The following FAM184A variants were observed in gnomAD, a reference collection of about 807,000 sequenced individuals.
FAM184A encodes the protein family with sequence similarity 184 member A, also known as protein FAM184A.
In FAM184A, 99 loss-of-function variants were observed where a neutral mutation model predicts 143.8. The observed-to-expected ratio is 0.69, with a 90% CI of 0.58 to 0.81. The LOEUF is 0.81. Among genes scored for constraint, FAM184A ranks in the 40% least tolerant of loss-of-function variants. The pLI is 0.00. For synonymous variants in FAM184A, 427 were observed against 446.4 expected, an observed-to-expected ratio of 0.96 and a Z score of 0.55; for missense variants, 1,217 against 1,310.5, an observed-to-expected ratio of 0.93 and a Z score of 1.10.
intron 15 of FAM184A, 70 bp downstream of exon 15, chr6:118,966,761 AAGAT>A: frequency 1.5e-6 from 1 of 655,386 alleles, no homozygotes; most frequent in Non-Finnish European, 2.6e-6. Flanking sequence ...ATTACTTAAA[AAGAT>A]TGTCCCATAT....
intron 1 of FAM184A, among the ~76,000 whole-genome samples, chr6:119,141,039 A>G (rs1021194777): frequency 3.3e-5 from 5 of 152,180 alleles, no homozygotes; most frequent in African/African-American, 4.8e-5. Flanking sequence ...TATGACCCGG[A>G]GTAGGTGATA....
At chr6:119,007,109 A>G (rs1170964721) in intron 6 of FAM184A, among the ~76,000 whole-genome samples, 1 of 152,202 alleles carries the variant, frequency 6.6e-6, no homozygotes, top group Non-Finnish European at 1.5e-5. Flanking sequence ...TTTCCATACA[A>G]AATTTCTCAT....
At chr6:119,025,905 T>C (rs137961477) in intron 1 of FAM184A, among the ~76,000 whole-genome samples, 1 of 152,336 alleles carries the variant, frequency 6.6e-6, no homozygotes, top group East Asian at 1.9e-4. Context: ...TGCCATTTTT[T>C]GTAGAGAAAT....
At position 119,024,375 on chromosome 6, in the gene FAM184A, C is replaced by T. The variant is rs770912209; in HGVS notation, c.598G>A (p.Glu200Lys). Reference sequence around the variant, plus strand: ...TGATCCTGCTGTGACTTCAATAGCTCTTGTATCTCCCGTCTGTGAGCAGCT... The same window carrying T: ...TGATCCTGCTGTGACTTCAATAGCTTTTGTATCTCCCGTCTGTGAGCAGCT... ...LQAAHRREIQ[E>K]LLKSQQDHSA... is the part of the protein sequence containing the mutation. Residue 200 changes from glutamate to lysine, a missense_variant, in exon 2 of 18, where the codon GAG becomes AAG. Glu to Lys is a moderately conservative substitution (Grantham distance 56). Transcript: ENST00000338891. 2.5e-5 allele frequency: 40 copies of T among 1,614,048 alleles called. No homozygotes were observed. Among genetic ancestry groups the T allele is most frequent in the East Asian group, 1.1e-4 (5 of 44,890 alleles).
intron 9 of FAM184A, among the ~76,000 whole-genome samples, chr6:119,002,365 G>C (rs1784790566): frequency 6.6e-6 from 1 of 152,114 alleles, no homozygotes; most frequent in Non-Finnish European, 1.5e-5. Flanking sequence ...AGTTACAAAT[G>C]TTATGGAAAT....
At chr6:119,109,401 C>A (rs776814291) in intron 1 of FAM184A, among the ~76,000 whole-genome samples, 1 of 152,180 alleles carries the variant, frequency 6.6e-6, no homozygotes, top group African/African-American at 2.4e-5. Context: ...TGGTTCCATC[C>A]CTTTGGGTGC....
intron 5 of FAM184A, among the ~76,000 whole-genome samples, chr6:119,014,320 G>C (rs999789228): frequency 6.6e-6 from 1 of 152,170 alleles, no homozygotes; most frequent in Non-Finnish European, 1.5e-5. Flanking sequence ...CATATCTTTT[G>C]TCAGATGAGG....
chr6:119,061,210 AC>A (rs1241621186), intron 1 of FAM184A, among the ~76,000 whole-genome samples: 1 of 152,218 alleles, frequency 6.6e-6, no homozygotes, highest in Non-Finnish European at 1.5e-5. Context: ...GGAATAGTTT[AC>A]AAGTTGCGGT....
chr6:118,984,934 G>A (rs1158686748), intron 9 of FAM184A, among the ~76,000 whole-genome samples: 1 of 152,134 alleles, frequency 6.6e-6, no homozygotes, highest in Non-Finnish European at 1.5e-5. Context: ...GTAAAAAGTG[G>A]TTCGTTATGA....
intron 1 of FAM184A, among the ~76,000 whole-genome samples, chr6:119,138,370 G>A (rs1468837656): frequency 2.0e-5 from 3 of 151,946 alleles, no homozygotes; most frequent in African/African-American, 7.3e-5. Flanking sequence ...AAGTTCTAGG[G>A]GTCAGAAGTC....
chr6:119,005,484 A>G (rs1018648249), intron 7 of FAM184A: 13 of 152,226 alleles, frequency 8.5e-5, no homozygotes, highest in African/African-American at 2.9e-4. Context: ...AAAATCTGAA[A>G]TAATATTAGT....
In FAM184A at chr6:119,003,604, TTTC is replaced by T. The variant is rs761411861; in HGVS notation, c.1831_1833del (p.Glu611del). On this transcript the variant is annotated inframe_deletion, in exon 8 of 18. Coordinates refer to ENST00000338891, the MANE Select transcript of FAM184A (RefSeq NM_024581.6). ...GCAATTGTTTCTTCATGCTGTTGCC[TTTC>T]TTGTTCTAGCTCACCCTGAAGAATA... is the stretch of plus-strand genomic sequence containing the variant. 2.5e-6 allele frequency: 4 copies of T among 1,612,142 alleles called. No homozygotes were observed. The African/African-American group carries it at 4.0e-5, about 16-fold the overall frequency.
At chr6:119,102,450 A>G (rs1456886913) in intron 1 of FAM184A, among the ~76,000 whole-genome samples, 1 of 152,168 alleles carries the variant, frequency 6.6e-6, no homozygotes, top group African/African-American at 2.4e-5. Context: ...AGTATGTATC[A>G]GGAAAGCAGA....
At chr6:119,068,407 G>A (rs1420605568) in intron 1 of FAM184A, among the ~76,000 whole-genome samples, 1 of 151,958 alleles carries the variant, frequency 6.6e-6, no homozygotes, top group African/African-American at 2.4e-5. Context: ...AGTGGGGAGG[G>A]GATAGTGGGT....
At chr6:119,102,784 C>CAAAA (rs58686018) in intron 1 of FAM184A, among the ~76,000 whole-genome samples, 7,219 of 29,952 alleles carry the variant, frequency 0.24, 1,457 homozygotes, top group Non-Finnish European at 0.35. Context: ...GACTCCATCT[C>CAAAA]AAAAAAAAAA....
chr6:119,088,801 A>G (rs532672700), intron 1 of FAM184A, among the ~76,000 whole-genome samples: 6 of 152,306 alleles, frequency 3.9e-5, no homozygotes, highest in African/African-American at 1.4e-4. Flanking sequence ...CAATAATCAT[A>G]CTAGCTTTTT....
intron 1 of FAM184A, among the ~76,000 whole-genome samples, chr6:119,132,831 A>T (rs369440180): frequency 6.6e-6 from 1 of 152,220 alleles, no homozygotes; most frequent in African/African-American, 2.4e-5. Flanking sequence ...GGAATATTAG[A>T]TTTCAATTAA....
chr6:119,115,970 A>AACACACACACACACACACACACAC (rs66707302), intron 1 of FAM184A, among the ~76,000 whole-genome samples: 5 of 137,294 alleles, frequency 3.6e-5, no homozygotes, highest in Admixed American at 1.4e-4. Flanking sequence ...CTCCGTCTCA[A>AACACACACACACACACACACACAC]ACACACACAC....
intron 5 of FAM184A, among the ~76,000 whole-genome samples, chr6:119,015,455 G>A (rs2114669300): frequency 6.6e-6 from 1 of 152,320 alleles, no homozygotes; most frequent in East Asian, 1.9e-4. Context: ...GGCAGTGAGG[G>A]GCTTAGCACC....
Sources: gnomAD v4.1 joint callset for allele counts (sites outside exome capture counted in the v4.1 genomes callset) on GRCh38, gnomAD v4.1.1 for gene constraint, MANE v1.5 for transcripts, NCBI Gene and HGNC (gene_info 2026-07-23, HGNC 2026-07-21) for gene names.